The following EDIL3 variants were observed in gnomAD, a reference collection of about 807,000 sequenced individuals.
The protein encoded by EDIL3 is EGF like and discoidin domains 3.
In EDIL3, 37 loss-of-function variants were observed where a neutral mutation model predicts 67.4. That is an observed-to-expected ratio of 0.55 (90% CI 0.42 to 0.72). EDIL3 has a LOEUF of 0.72. Among genes scored for constraint, EDIL3 ranks in the 30% least tolerant of loss-of-function variants. EDIL3 has a pLI of 0.00. For missense variants in EDIL3, 527 were observed against 586.3 expected, an observed-to-expected ratio of 0.90 and a Z score of 1.04; for synonymous variants, 195 against 196.3, an observed-to-expected ratio of 0.99 and a Z score of 0.05.
At chr5:84,173,160 G>C (rs908811804) in intron 4 of EDIL3, among the ~76,000 whole-genome samples, 3 of 152,190 alleles carry the variant, frequency 2.0e-5, no homozygotes, top group Non-Finnish European at 2.9e-5. Context: ...TATACTTGAT[G>C]GATGGGGCCC....
chr5:84,179,352 C>A (rs76703089), intron 4 of EDIL3, among the ~76,000 whole-genome samples: 2 of 152,254 alleles, frequency 1.3e-5, no homozygotes, highest in East Asian at 1.9e-4. Context: ...GTGATCTGAG[C>A]TTTTAGGGAC....
intron 9 of EDIL3, among the ~76,000 whole-genome samples, chr5:84,054,477 A>G (rs1434868525): frequency 1.3e-5 from 2 of 152,160 alleles, no homozygotes; most frequent in African/African-American, 2.4e-5. Flanking sequence ...GGCAGGAGAA[A>G]GAAATAAAGG....
chr5:84,044,907 G>A (rs1187859568), intron 9 of EDIL3, among the ~76,000 whole-genome samples: 1 of 152,138 alleles, frequency 6.6e-6, no homozygotes, highest in African/African-American at 2.4e-5. Flanking sequence ...GAGCTGGAGT[G>A]TAAAGCCAAA....
chr5:84,073,297 T>C (rs1746779016), intron 6 of EDIL3, among the ~76,000 whole-genome samples: 1 of 152,170 alleles, frequency 6.6e-6, no homozygotes, highest in Non-Finnish European at 1.5e-5. Flanking sequence ...AAGACAAGGA[T>C]GCCCTCTCTC....
At chr5:84,055,698 AC>A (rs1746432523) in intron 9 of EDIL3, among the ~76,000 whole-genome samples, 1 of 152,248 alleles carries the variant, frequency 6.6e-6, no homozygotes, top group African/African-American at 2.4e-5. Context: ...GACAAAAAAC[AC>A]ATGAAAAAAT....
intron 4 of EDIL3, among the ~76,000 whole-genome samples, chr5:84,143,572 T>A (rs889591121): frequency 6.6e-6 from 1 of 152,110 alleles, no homozygotes; most frequent in Admixed American, 6.6e-5. Flanking sequence ...TCATCCCAAT[T>A]ATCTGGGTTG....
intron 4 of EDIL3, among the ~76,000 whole-genome samples, chr5:84,140,552 A>G (rs1232899102): frequency 1.3e-5 from 2 of 152,128 alleles, no homozygotes; most frequent in African/African-American, 4.8e-5. Context: ...ATAATTAAGG[A>G]CATCCGATTC....
chr5:84,071,126 G>A (rs749935828), intron 6 of EDIL3, among the ~76,000 whole-genome samples: 1 of 152,138 alleles, frequency 6.6e-6, no homozygotes, highest in Non-Finnish European at 1.5e-5. Flanking sequence ...GGACTAAGGA[G>A]GTAAATCAGA....
intron 10 of EDIL3, among the ~76,000 whole-genome samples, chr5:83,957,288 T>C (rs1409825433): frequency 6.6e-6 from 1 of 151,674 alleles, no homozygotes; most frequent in Non-Finnish European, 1.5e-5. Context: ...CCTGCTATCA[T>C]CTTCCTCTGT....
chr5:84,312,603 G>C (rs13177327), intron 1 of EDIL3, among the ~76,000 whole-genome samples: 1 of 138,548 alleles, frequency 7.2e-6, no homozygotes, highest in East Asian at 2.2e-4. Flanking sequence ...CTGGCCGGGC[G>C]GGGGGCTGAC....
At chr5:84,150,488 C>T (rs947795628) in intron 4 of EDIL3, among the ~76,000 whole-genome samples, 2 of 152,088 alleles carry the variant, frequency 1.3e-5, no homozygotes, top group Non-Finnish European at 2.9e-5. Context: ...TTTGAACTGA[C>T]AGTTCCTAAA....
At chr5:84,194,097 T>C (rs527723026) in intron 3 of EDIL3, among the ~76,000 whole-genome samples, 15 of 152,064 alleles carry the variant, frequency 9.9e-5, no homozygotes, top group East Asian at 7.7e-4. Flanking sequence ...TTATTTGGTC[T>C]GGAGAAGTAA....
At chr5:84,371,794 T>A (rs1472078197) in intron 1 of EDIL3, among the ~76,000 whole-genome samples, 1 of 151,962 alleles carries the variant, frequency 6.6e-6, no homozygotes, top group African/African-American at 2.4e-5. Flanking sequence ...ATAATATATA[T>A]TCTACCTACA....
chr5:84,309,102 T>A (rs1746328700), intron 1 of EDIL3, among the ~76,000 whole-genome samples: 1 of 152,134 alleles, frequency 6.6e-6, no homozygotes, highest in African/African-American at 2.4e-5. Context: ...GAGGACACGA[T>A]TTTTAACTTT....
intron 5 of EDIL3, among the ~76,000 whole-genome samples, chr5:84,125,061 A>T (rs1171677578): frequency 1.3e-5 from 2 of 151,972 alleles, no homozygotes; most frequent in Non-Finnish European, 2.9e-5. Flanking sequence ...AAACAGAGAG[A>T]AGCAAAAGTT....
chr5:84,012,975 C>T (rs2112182520), intron 9 of EDIL3, among the ~76,000 whole-genome samples: 1 of 151,970 alleles, frequency 6.6e-6, no homozygotes, highest in African/African-American at 2.4e-5. Context: ...TGTGCACTTC[C>T]AATCTTACTA....
In EDIL3 at chr5:84,174,628, G is replaced by A. The variant is rs146524487; in HGVS notation, c.355+5765C>T. Among the ~76,000 whole-genome samples, 326 of 152,246 alleles carry A rather than the reference G, an allele frequency of 2.1e-3. 2 individuals are homozygous for A. The highest frequency in any genetic ancestry group is 7.3e-3 in the African/African-American group (304 of 41,548). On this transcript the variant is annotated intron_variant, in intron 4 of 10. Coordinates refer to ENST00000296591, the MANE Select transcript of EDIL3 (RefSeq NM_005711.5). ...GTTCAAGCGTTTTGGTCAGGTGCTTGGGTGTCATCTGGTTAGATGTTAGGC... is the reference window on the plus strand; with the variant it reads ...GTTCAAGCGTTTTGGTCAGGTGCTTAGGTGTCATCTGGTTAGATGTTAGGC...
rs144008378 is a variant in EDIL3, at chr5:84,235,452, T to G, written c.197-5568A>C. Among the ~76,000 whole-genome samples, 962 of 152,258 alleles carry G rather than the reference T, an allele frequency of 6.3e-3. 9 individuals carry two copies. The highest frequency in any genetic ancestry group is 0.021 in the African/African-American group (881 of 41,568). ...TTGGAGAATGGCATCCATTGAAGTA[T>G]TGATAATATATAACACATAAAACAT... On this transcript the variant is annotated intron_variant, in intron 2 of 10. Coordinates refer to ENST00000296591, the MANE Select transcript of EDIL3 (RefSeq NM_005711.5).
intron 9 of EDIL3, among the ~76,000 whole-genome samples, chr5:84,023,488 T>C (rs952452455): frequency 1.6e-4 from 25 of 152,092 alleles, no homozygotes; most frequent in African/African-American, 5.8e-4. Flanking sequence ...TAATGTATTA[T>C]AGCAACTTGT....
Sources: allele counts gnomAD v4.1 joint callset (sites outside exome capture counted in the v4.1 genomes callset), GRCh38; gene constraint gnomAD v4.1.1; transcripts MANE v1.5; gene names NCBI Gene and HGNC (gene_info 2026-07-23, HGNC 2026-07-21).